Variants in CTDSPL observed in about 807,000 individuals in gnomAD.
CTDSPL encodes the protein CTD small phosphatase like, also known as CTD small phosphatase-like protein.
Under a neutral mutation model 30.5 loss-of-function variants are expected in CTDSPL, and 8 were observed. The observed-to-expected ratio is 0.26, with a 90% CI of 0.15 to 0.47. The LOEUF is 0.47. Ranked by LOEUF, CTDSPL falls within the 20% of genes least tolerant of loss-of-function variation. The probability of loss-of-function intolerance (pLI) is 0.99; values close to 1 mark genes in which losing one functional copy is unlikely to be tolerated. For missense variants in CTDSPL, 248 were observed against 366.1 expected (o/e 0.68, Z 2.63); for synonymous variants, 110 against 137.9 (o/e 0.80, Z 1.42).
chr3:37,953,262 T>C (rs1352808851), intron 2 of CTDSPL, among the ~76,000 whole-genome samples: 4 of 152,174 alleles, frequency 2.6e-5, no homozygotes, highest in Non-Finnish European at 5.9e-5. Context: ...AACCATCTTA[T>C]CCTCATTCAC....
chr3:37,967,730 C>A (rs572714118), intron 4 of CTDSPL, 96 bp from the exon 5 acceptor site: 13 of 837,752 alleles, frequency 1.6e-5, no homozygotes, highest in Non-Finnish European at 2.3e-5. Context: ...TTTCCAATAA[C>A]CAAAACATTG....
chr3:37,919,739 G>A (rs1290679599), intron 1 of CTDSPL, among the ~76,000 whole-genome samples: 2 of 152,182 alleles, frequency 1.3e-5, no homozygotes, highest in Non-Finnish European at 2.9e-5. Flanking sequence ...CCTCAGGATA[G>A]TGGAGTCTCC....
intron 1 of CTDSPL, among the ~76,000 whole-genome samples, chr3:37,939,358 C>T (rs967727912): frequency 6.7e-6 from 1 of 150,208 alleles, no homozygotes; most frequent in Non-Finnish European, 1.5e-5. Context: ...AGTGGCAGGG[C>T]TGGGACTTGA....
intron 3 of CTDSPL, 137 bp from the exon 4 acceptor site, chr3:37,964,434 C>A: frequency 1.8e-6 from 1 of 552,422 alleles, no homozygotes; most frequent in Non-Finnish European, 3.2e-6. Flanking sequence ...TAGTTGCAAA[C>A]TACTTATTCC....
intron 1 of CTDSPL, among the ~76,000 whole-genome samples, chr3:37,942,680 G>C (rs1698991795): frequency 1.3e-5 from 2 of 150,310 alleles, no homozygotes; most frequent in South Asian, 4.3e-4. Context: ...CTTGCTCTAT[G>C]CTAGGCACTG....
intron 1 of CTDSPL, among the ~76,000 whole-genome samples, chr3:37,919,192 A>G (rs1300216993): frequency 6.6e-6 from 1 of 152,116 alleles, no homozygotes; most frequent in African/African-American, 2.4e-5. Flanking sequence ...AAGGCTATCC[A>G]TTGATATTTT....
intron 1 of CTDSPL, among the ~76,000 whole-genome samples, chr3:37,914,070 T>G (rs1698614846): frequency 6.6e-6 from 1 of 152,212 alleles, no homozygotes; most frequent in Non-Finnish European, 1.5e-5. Context: ...ACCATGAACA[T>G]AGTATATCCC....
chr3:37,930,083 G>A (rs971266794), intron 1 of CTDSPL, among the ~76,000 whole-genome samples: 1 of 149,516 alleles, frequency 6.7e-6, no homozygotes, highest in African/African-American at 2.5e-5. Flanking sequence ...CTCCAGCCTG[G>A]GTGACAGAGT....
intron 1 of CTDSPL, chr3:37,911,700 C>T (rs370983562): frequency 6.4e-5 from 29 of 456,318 alleles, no homozygotes; most frequent in African/African-American, 2.0e-5. Flanking sequence ...GGCAAGAAGA[C>T]GAGTGGCAGA....
chr3:37,877,703 G>A (rs1698154186), intron 1 of CTDSPL, among the ~76,000 whole-genome samples: 1 of 152,114 alleles, frequency 6.6e-6, no homozygotes, highest in Non-Finnish European at 1.5e-5. Flanking sequence ...CATTTTATTT[G>A]GCTTGTGGTT....
At chr3:37,879,814 G>A (rs1157167796) in intron 1 of CTDSPL, among the ~76,000 whole-genome samples, 1 of 152,072 alleles carries the variant, frequency 6.6e-6, no homozygotes, top group Non-Finnish European at 1.5e-5. Context: ...TGATTTCATG[G>A]TAGTGAATAC....
At chr3:37,974,574 T>A (rs1473172302) in intron 6 of CTDSPL, among the ~76,000 whole-genome samples, 1 of 152,214 alleles carries the variant, frequency 6.6e-6, no homozygotes, top group East Asian at 1.9e-4. Flanking sequence ...TATGGCCCAC[T>A]CTTTTAGGTA....
chr3:37,877,052 A>G (rs1698143056), intron 1 of CTDSPL, among the ~76,000 whole-genome samples: 1 of 150,644 alleles, frequency 6.6e-6, no homozygotes, highest in Admixed American at 6.6e-5. Context: ...GTTGCAGTGA[A>G]CCGAGATTGC....
chr3:37,937,644 G>A (rs1698931430), intron 1 of CTDSPL, among the ~76,000 whole-genome samples: 1 of 150,478 alleles, frequency 6.6e-6, no homozygotes, highest in Non-Finnish European at 1.5e-5. Flanking sequence ...TAAATGGAAT[G>A]AGGCACTGAA....
intron 1 of CTDSPL, among the ~76,000 whole-genome samples, chr3:37,935,351 A>G (rs1698903462): frequency 6.6e-6 from 1 of 151,018 alleles, no homozygotes; most frequent in African/African-American, 2.4e-5. Context: ...CTTGTTGTTT[A>G]AACTTCTTTT....
At chr3:37,937,918 T>G (rs1698933866) in intron 1 of CTDSPL, among the ~76,000 whole-genome samples, 1 of 150,464 alleles carries the variant, frequency 6.6e-6, no homozygotes, top group Non-Finnish European at 1.5e-5. Context: ...TCTGAAAATT[T>G]TATCATGCTG....
chr3:37,932,853 A>G (rs1274353833), intron 1 of CTDSPL, among the ~76,000 whole-genome samples: 1 of 152,218 alleles, frequency 6.6e-6, no homozygotes, highest in Admixed American at 6.5e-5. Flanking sequence ...TGACATGGAC[A>G]TAAAGATTAT....
At chr3:37,976,218 A>G (rs1242082409) in intron 7 of CTDSPL, among the ~76,000 whole-genome samples, 1 of 152,294 alleles carries the variant, frequency 6.6e-6, no homozygotes, top group African/African-American at 2.4e-5. Context: ...TCTTATTGAC[A>G]TTTTTAGTAT....
chr3:37,976,003 T>A, intron 7 of CTDSPL, 109 bp downstream of exon 7: 1 of 1,170,058 alleles, frequency 8.5e-7, no homozygotes, highest in Non-Finnish European at 1.2e-6. Context: ...GGCCTTTTCC[T>A]AATGAAATCC....
Sources: gnomAD v4.1 joint callset for allele counts (sites outside exome capture counted in the v4.1 genomes callset) on GRCh38, gnomAD v4.1.1 for gene constraint, MANE v1.5 for transcripts, NCBI Gene and HGNC (gene_info 2026-07-23, HGNC 2026-07-21) for gene names.